Variants in KMO observed in about 807,000 individuals in gnomAD.
KMO encodes the protein kynurenine 3-hydroxylase.
A neutral mutation model predicts 57.8 loss-of-function variants in KMO; 24 were observed. The observed-to-expected ratio is 0.42, with a 90% CI of 0.30 to 0.58. The LOEUF is 0.58. KMO is among the 20% of genes least tolerant of loss of function. KMO has a pLI of 0.22. For synonymous variants in KMO, 210 were observed against 193.6 expected (o/e 1.08, Z -0.70); for missense variants, 483 against 588.2 (o/e 0.82, Z 1.85).
Position 241,552,921 on chromosome 1 carries a change from G to GT in KMO, c.312+1878dup, listed in dbSNP as rs1661463850. 3.3e-5 allele frequency among the ~76,000 whole-genome samples: 5 copies of GT among 152,276 alleles called. No individual in the cohort carries two copies. The South Asian group carries it at 1.0e-3, about 32-fold the overall frequency. ...AAATATTCTCTAATATACAGAGCAGGTCAGAGCTCCTCAGTTCTTAATCCT... is the reference window on the plus strand; with the variant it reads ...AAATATTCTCTAATATACAGAGCAGGTTCAGAGCTCCTCAGTTCTTAATCCT... On this transcript the variant is annotated intron_variant, in intron 4 of 14. Coordinates refer to ENST00000366559, the MANE Select transcript of KMO (RefSeq NM_003679.5).
intron 4 of KMO, among the ~76,000 whole-genome samples, chr1:241,555,287 G>C (rs1402438494): frequency 6.6e-6 from 1 of 152,110 alleles, no homozygotes; most frequent in Non-Finnish European, 1.5e-5. Flanking sequence ...GGAGACCTAA[G>C]CTGAAAATAT....
At position 241,562,254 on chromosome 1, in the gene KMO, G is replaced by A. The variant is rs1048969646; in HGVS notation, c.537G>A (p.Lys179=). ...CAACTGTCAGATCTCACCTGATGAA[G>A]AAACCTCGCTTTGATTACAGTCAGC... The part of the protein sequence containing the change: ...AYSTVRSHLM[K]KPRFDYSQQY... The change falls in exon 7 of 15, where the codon AAG becomes AAA. Residue 179 remains lysine (K), a synonymous_variant. Transcript: ENST00000366559. 1.2e-6 allele frequency: 2 copies of A among 1,614,038 alleles called. No individual in the cohort carries two copies. The highest frequency in any genetic ancestry group is 8.5e-7 in the Non-Finnish European group (1 of 1,179,994).
rs113508924 is a variant in KMO at position 241,568,669 on chromosome 1, A to G, written c.957+22A>G. On this transcript the variant is annotated intron_variant, in intron 10 of 14. Transcript: ENST00000366559. ...TGCGGTAAGTTCTTTTTCCCTAGGTAAGTCCCTCAAATACTTCTGGGTCAG... is the reference window on the plus strand; with the variant it reads ...TGCGGTAAGTTCTTTTTCCCTAGGTGAGTCCCTCAAATACTTCTGGGTCAG... 719 of 1,609,458 alleles carry G rather than the reference A, an allele frequency of 4.5e-4. 1 individual carries two copies. In the African/African-American group the frequency reaches 7.9e-3, roughly 18 times the overall value.
intron 1 of KMO, among the ~76,000 whole-genome samples, chr1:241,537,968 C>T (rs553769242): frequency 6.6e-6 from 1 of 152,270 alleles, no homozygotes; most frequent in East Asian, 1.9e-4. Flanking sequence ...ATTTTATTCA[C>T]AGGACAGCCC....
rs1481730138 is a variant in KMO at position 241,590,111 on chromosome 1, A to G, written c.1198A>G (p.Met400Val). ...ATCGACCTTTATCCCTCTCTATACA[A>G]TGGTAAGGTCTGGACTGAAGACTTT... is the stretch of plus-strand genomic sequence containing the variant. ...MPSTFIPLYTMVTFSRIRYHE... is the reference protein window; with the variant it reads ...MPSTFIPLYTVVTFSRIRYHE... Residue 400 changes from methionine to valine, a missense_variant and splice_region_variant, in exon 13 of 15, where the codon ATG (methionine) becomes GTG (valine). Physicochemically the swap from Met to Val is conservative, Grantham distance 21. This residue lies in a region of KMO where 410 missense variants were observed against 492.3 expected (regional missense o/e 0.83). Transcript: ENST00000366559. The G allele has an allele frequency of 6.2e-7, 1 of 1,610,622 alleles. No homozygotes were observed. Among genetic ancestry groups the G allele is most frequent in the East Asian group, 2.2e-5 (1 of 44,824 alleles).
At chr1:241,579,459 A>G (rs777666658) in intron 10 of KMO, among the ~76,000 whole-genome samples, 8 of 152,078 alleles carry the variant, frequency 5.3e-5, no homozygotes, top group Non-Finnish European at 8.8e-5. Flanking sequence ...TCTGGCCACT[A>G]AGGTAACGCT....
At chr1:241,585,969 A>G (rs934378896) in intron 10 of KMO, among the ~76,000 whole-genome samples, 2 of 151,946 alleles carry the variant, frequency 1.3e-5, no homozygotes, top group African/African-American at 4.8e-5. Context: ...GTTTTATCCT[A>G]TCATTAAATT....
At chr1:241,554,233 TC>T (rs1661518986) in intron 4 of KMO, among the ~76,000 whole-genome samples, 2 of 52,130 alleles carry the variant, frequency 3.8e-5, no homozygotes. Context: ...TTTCTTTCCT[TC>T]CTTCCTTCCT....
intron 5 of KMO, among the ~76,000 whole-genome samples, chr1:241,557,562 T>G (rs1236313961): frequency 6.6e-6 from 1 of 152,210 alleles, no homozygotes; most frequent in East Asian, 1.9e-4. Flanking sequence ...GGTTTAGTAT[T>G]ATTATTAATT....
intron 1 of KMO, among the ~76,000 whole-genome samples, chr1:241,538,541 T>C (rs1573900389): frequency 1.3e-5 from 2 of 152,246 alleles, no homozygotes; most frequent in South Asian, 2.1e-4. Flanking sequence ...GACTTTTAGC[T>C]ATATGGGCTT....
At chr1:241,557,204 A>T (rs1487174566) in intron 5 of KMO, among the ~76,000 whole-genome samples, 1 of 152,228 alleles carries the variant, frequency 6.6e-6, no homozygotes, top group East Asian at 1.9e-4. Flanking sequence ...ACTGGATTAC[A>T]AATTAAATTT....
chr1:241,561,073 C>G (rs1385027627), intron 6 of KMO, among the ~76,000 whole-genome samples: 1 of 152,120 alleles, frequency 6.6e-6, no homozygotes, highest in Non-Finnish European at 1.5e-5. Flanking sequence ...GTTCTCTTTC[C>G]AGGTGCTATT....
chr1:241,594,327 G>C lies in KMO; in HGVS notation c.*2174G>C. ...ATTTCCTGCTGGACCACAAGGTTCTGTTGATATTACATAGAACGGGTATTC... is the reference window on the plus strand; with the variant it reads ...ATTTCCTGCTGGACCACAAGGTTCTCTTGATATTACATAGAACGGGTATTC... On this transcript the variant is annotated 3_prime_UTR_variant, in exon 15 of 15. Coordinates refer to ENST00000366559, the MANE Select transcript of KMO (RefSeq NM_003679.5). 1 of 1,302,694 alleles carries C rather than the reference G, an allele frequency of 7.7e-7. No homozygotes were observed. Among genetic ancestry groups the C allele is most frequent in the South Asian group, 1.4e-5 (1 of 71,676 alleles). 80.7% of individuals were successfully genotyped at this position (1,302,694 alleles called of 1,614,324 possible).
intron 10 of KMO, among the ~76,000 whole-genome samples, chr1:241,582,549 T>C (rs1038264732): frequency 1.4e-4 from 21 of 152,224 alleles, no homozygotes; most frequent in African/African-American, 5.1e-4. Flanking sequence ...AATTCTGCTG[T>C]TGAGAGACTC....
intron 5 of KMO, 193 bp downstream of exon 5, chr1:241,555,853 T>A (rs144955502): frequency 1.6e-3 from 703 of 430,748 alleles, no homozygotes; most frequent in Non-Finnish European, 2.4e-3. Context: ...TCTGAAAGGC[T>A]GAGGCCAGGA....
chr1:241,592,796 A>ATCTATCTC lies in KMO; in HGVS notation c.*646_*647insATCTCTCT, dbSNP rs1428611949. The ATCTATCTC allele has an allele frequency of 2.0e-5, 3 of 150,600 alleles. No individual in the cohort carries two copies. Among genetic ancestry groups the ATCTATCTC allele is most frequent in the Non-Finnish European group, 4.4e-5 (3 of 68,450 alleles). 9.3% of individuals were successfully genotyped at this position (150,600 alleles called of 1,614,324 possible). A position where few individuals can be genotyped will look rare whatever the true frequency, so the allele number is the denominator to read the frequency against. Reference sequence around the variant, plus strand: ...TATCTATCTATCTATCTATCTATCTATCTCTATTTATTTATGTATTTAGAG... The same window carrying ATCTATCTC: ...TATCTATCTATCTATCTATCTATCTATCTATCTCTCTCTATTTATTTATGTATTTAGAG... On this transcript the variant is annotated 3_prime_UTR_variant, in exon 15 of 15. Coordinates refer to ENST00000366559, the MANE Select transcript of KMO (RefSeq NM_003679.5).
At chr1:241,582,462 T>C (rs1413892579) in intron 10 of KMO, among the ~76,000 whole-genome samples, 1 of 152,202 alleles carries the variant, frequency 6.6e-6, no homozygotes, top group Non-Finnish European at 1.5e-5. Context: ...AATTCTTTTT[T>C]ATTCTTATTG....
In KMO at chr1:241,555,653, A is replaced by G. The variant is rs1195681721; in HGVS notation, c.354A>G (p.Leu118=). 7.0e-6 allele frequency: 11 copies of G among 1,561,346 alleles called. No homozygotes were observed. Among genetic ancestry groups the G allele is most frequent in the Non-Finnish European group, 9.7e-6 (11 of 1,133,370 alleles). The part of the protein sequence containing the change: ...SVSRENLNKD[L]LTAAEKYPNV... ...GCAGAGAAAATCTAAACAAGGATCTATTGACTGGTAAGTCTAATGTTTGAT... is the reference window on the plus strand; with the variant it reads ...GCAGAGAAAATCTAAACAAGGATCTGTTGACTGGTAAGTCTAATGTTTGAT... Residue 118 remains leucine, a synonymous_variant, in exon 5 of 15, where the codon CTA becomes CTG. Coordinates refer to ENST00000366559, the MANE Select transcript of KMO (RefSeq NM_003679.5).
chr1:241,537,092 G>A (rs922024278), intron 1 of KMO, among the ~76,000 whole-genome samples: 6 of 152,130 alleles, frequency 3.9e-5, no homozygotes, highest in African/African-American at 1.4e-4. Context: ...TGAGGGGACT[G>A]GGAATAGCAG....
Sources: allele counts gnomAD v4.1 joint callset (sites outside exome capture counted in the v4.1 genomes callset), GRCh38; gene constraint gnomAD v4.1.1; regional missense constraint gnomAD v4.1.1; transcripts MANE v1.5; gene names NCBI Gene and HGNC (gene_info 2026-07-23, HGNC 2026-07-21).